The following FAF2 variants were observed in gnomAD, a reference collection of about 807,000 sequenced individuals.
FAF2 encodes FAS-associated factor 2.
A neutral mutation model predicts 62.3 loss-of-function variants in FAF2; 9 were observed. That is an observed-to-expected ratio of 0.14 (90% CI 0.09 to 0.25). The LOEUF is 0.25. Among genes scored for constraint, FAF2 ranks in the 10% least tolerant of loss-of-function variants. The pLI is 1.00. For synonymous variants in FAF2, 202 were observed against 198.0 expected, an observed-to-expected ratio of 1.02 and a Z score of -0.17; for missense variants, 368 against 556.2, an observed-to-expected ratio of 0.66 and a Z score of 3.40.
rs182958956 is a variant in FAF2 at position 176,491,642 on chromosome 5, C to G, written c.345-552C>G. ...AATGACCTCTGTTCTAGAGCACTGT[C>G]CAGTAGAACTCTCTGTGATGATAGA... On this transcript the variant is annotated intron_variant, in intron 4 of 10. Transcript: ENST00000261942. 3.7e-3 allele frequency among the ~76,000 whole-genome samples: 557 copies of G among 152,284 alleles called. 1 individual carries two copies. Among genetic ancestry groups the G allele is most frequent in the Non-Finnish European group, 6.5e-3 (443 of 68,022 alleles).
At chr5:176,478,556 A>T (rs534208736) in intron 1 of FAF2, among the ~76,000 whole-genome samples, 1 of 152,376 alleles carries the variant, frequency 6.6e-6, no homozygotes, top group East Asian at 1.9e-4. Context: ...GGTTAATACC[A>T]GTATATAAAA....
intron 5 of FAF2, among the ~76,000 whole-genome samples, chr5:176,492,776 C>T (rs942580161): frequency 6.6e-6 from 1 of 152,238 alleles, no homozygotes; most frequent in African/African-American, 2.4e-5. Context: ...GAATACTAAT[C>T]TTTCCCTTTG....
chr5:176,498,396 G>T (rs944190853), intron 8 of FAF2, among the ~76,000 whole-genome samples: 2 of 152,022 alleles, frequency 1.3e-5, no homozygotes, highest in Non-Finnish European at 2.9e-5. Flanking sequence ...TTGGCTAAGA[G>T]AAAACAGAAA....
chr5:176,492,395 A>G, intron 5 of FAF2, 63 bp downstream of exon 5: 4 of 1,490,022 alleles, frequency 2.7e-6, no homozygotes, highest in Admixed American at 4.8e-5. Flanking sequence ...AAAGGAGAGC[A>G]CAGCCCAGCA....
intron 2 of FAF2, among the ~76,000 whole-genome samples, chr5:176,480,343 A>T (rs1189559320): frequency 6.7e-6 from 1 of 149,124 alleles, no homozygotes; most frequent in Non-Finnish European, 1.5e-5. Context: ...TGATTTCGTT[A>T]TTCAACACAT....
chr5:176,470,841 G>T (rs1758556200), intron 1 of FAF2, among the ~76,000 whole-genome samples: 1 of 152,182 alleles, frequency 6.6e-6, no homozygotes, highest in African/African-American at 2.4e-5. Flanking sequence ...TGATGAAATA[G>T]TGTTTTTACC....
At chr5:176,460,472 G>A (rs949509410) in intron 1 of FAF2, among the ~76,000 whole-genome samples, 2 of 149,510 alleles carry the variant, frequency 1.3e-5, no homozygotes, top group Admixed American at 6.7e-5. Flanking sequence ...ATTTTGATTT[G>A]CATTTCTCTA....
intron 1 of FAF2, among the ~76,000 whole-genome samples, chr5:176,451,887 T>TATACAC (rs1758190328): frequency 3.5e-5 from 1 of 28,236 alleles, no homozygotes. Flanking sequence ...TATATATATA[T>TATACAC]ATATATTTTT....
At chr5:176,471,573 G>A (rs1178294517) in intron 1 of FAF2, among the ~76,000 whole-genome samples, 2 of 151,692 alleles carry the variant, frequency 1.3e-5, no homozygotes, top group African/African-American at 4.8e-5. Flanking sequence ...AGTAGAGACG[G>A]GGTTTCACCA....
intron 1 of FAF2, among the ~76,000 whole-genome samples, 172 bp from the exon 2 acceptor site, chr5:176,479,016 T>G (rs1213688277): frequency 6.6e-6 from 1 of 152,198 alleles, no homozygotes; most frequent in Non-Finnish European, 1.5e-5. Flanking sequence ...TCTTTACGCA[T>G]CTAGAACAGT....
At chr5:176,467,475 G>T (rs1235117958) in intron 1 of FAF2, among the ~76,000 whole-genome samples, 1 of 152,038 alleles carries the variant, frequency 6.6e-6, no homozygotes, top group East Asian at 1.9e-4. Context: ...GAGATTACAG[G>T]CATGCACAAC....
intron 5 of FAF2, among the ~76,000 whole-genome samples, chr5:176,493,330 A>G (rs910903085): frequency 6.6e-6 from 1 of 152,220 alleles, no homozygotes; most frequent in African/African-American, 2.4e-5. Context: ...AGATACAGAG[A>G]TGAGTGAGAT....
At chr5:176,470,459 G>A (rs1758546032) in intron 1 of FAF2, among the ~76,000 whole-genome samples, 1 of 152,214 alleles carries the variant, frequency 6.6e-6, no homozygotes, top group East Asian at 1.9e-4. Context: ...TGCCTGTAAT[G>A]CCAGCTACGC....
chr5:176,454,577 GAAAAAAAAAAAA>G lies in FAF2; in HGVS notation c.63+6130_63+6141del, dbSNP rs56324116. On this transcript the variant is annotated intron_variant, in intron 1 of 10. Coordinates refer to ENST00000261942, the MANE Select transcript of FAF2 (RefSeq NM_014613.3). ...TGGGCAACAGAGCCAGATTCTGTCT[GAAAAAAAAAAAA>G]AAAAAAAAAAAAAAAAAAAAAATCT... Among the ~76,000 whole-genome samples the G allele has an allele frequency of 4.0e-3, 381 of 95,280 alleles. 3 individuals carry two copies. The highest frequency in any genetic ancestry group is 0.016 in the African/African-American group (366 of 23,200). 62.5% of individuals were successfully genotyped at this position (95,280 alleles called of 152,430 possible).
intron 1 of FAF2, chr5:176,453,067 A>G (rs570647896): frequency 3.3e-4 from 51 of 152,248 alleles, no homozygotes; most frequent in African/African-American, 1.2e-3. Flanking sequence ...ATTTCATATC[A>G]TGTTTCTCAG....
chr5:176,459,876 C>T (rs1468452120), intron 1 of FAF2, among the ~76,000 whole-genome samples: 1 of 151,842 alleles, frequency 6.6e-6, no homozygotes, highest in Non-Finnish European at 1.5e-5. Flanking sequence ...TCAACACTTG[C>T]CCCCCTCCCA....
At chr5:176,451,827 T>TAC (rs1561813444) in intron 1 of FAF2, among the ~76,000 whole-genome samples, 7 of 44,570 alleles carry the variant, frequency 1.6e-4, no homozygotes, top group East Asian at 5.0e-4. Flanking sequence ...TATATATATA[T>TAC]ACATATATAT....
intron 2 of FAF2, among the ~76,000 whole-genome samples, chr5:176,482,387 A>G (rs1346908400): frequency 1.3e-5 from 2 of 151,784 alleles, no homozygotes; most frequent in African/African-American, 4.8e-5. Flanking sequence ...TAATTTTTGT[A>G]TTTTTAGTAG....
At chr5:176,492,464 TG>T (rs1758989558) in intron 5 of FAF2, 132 bp downstream of exon 5, 1 of 1,023,082 alleles carries the variant, frequency 9.8e-7, no homozygotes, top group East Asian at 2.9e-5. Flanking sequence ...CTTATAGGGG[TG>T]GGTAATAAAA....
Sources: gnomAD v4.1 joint callset for allele counts (sites outside exome capture counted in the v4.1 genomes callset) on GRCh38, gnomAD v4.1.1 for gene constraint, MANE v1.5 for transcripts, NCBI Gene and HGNC (gene_info 2026-07-23, HGNC 2026-07-21) for gene names.